The following KCNG3 variants were observed in gnomAD, a reference collection of about 807,000 sequenced individuals.
The protein encoded by KCNG3 is potassium voltage-gated channel modifier subfamily G member 3.
Under a neutral mutation model 29.0 loss-of-function variants are expected in KCNG3, and 15 were observed. The ratio of observed to expected loss-of-function variants is 0.52; its 90% confidence interval spans 0.35 to 0.80. KCNG3 has a LOEUF of 0.80. Ranked by LOEUF, KCNG3 falls within the 30% of genes least tolerant of loss-of-function variation. KCNG3 has a pLI of 0.01. For missense variants in KCNG3, 512 were observed against 605.7 expected (o/e 0.85, Z 1.62); for synonymous variants, 322 against 248.9 (o/e 1.29, Z -2.76).
intron 1 of KCNG3, among the ~76,000 whole-genome samples, chr2:42,477,855 G>C (rs533401067): frequency 8.5e-4 from 128 of 150,412 alleles, no homozygotes; most frequent in African/African-American, 2.9e-3. Flanking sequence ...CTCCAGCCTG[G>C]GTGACAAAGC....
intron 1 of KCNG3, among the ~76,000 whole-genome samples, chr2:42,483,655 T>C (rs574289539): frequency 6.6e-6 from 1 of 152,346 alleles, no homozygotes; most frequent in South Asian, 2.1e-4. Flanking sequence ...TCAATAAATA[T>C]TAACTGTTAC....
chr2:42,439,468 G>A (rs1672430794), downstream of KCNG3, among the ~76,000 whole-genome samples: 1 of 151,462 alleles, frequency 6.6e-6, no homozygotes, highest in Admixed American at 6.6e-5. Flanking sequence ...TCGCTATGTT[G>A]GCCAGGCTGG....
At chr2:42,401,616 A>T in the KCNG3 span, among the ~76,000 whole-genome samples, 1 of 152,046 alleles carries the variant, frequency 6.6e-6, no homozygotes, top group African/African-American at 2.4e-5. Context: ...TAATATTTTT[A>T]AATTTTTTGT....
intron 1 of KCNG3, among the ~76,000 whole-genome samples, chr2:42,474,196 C>G (rs369321371): frequency 6.6e-6 from 1 of 151,760 alleles, no homozygotes; most frequent in Non-Finnish European, 1.5e-5. Flanking sequence ...AACCCTTGCT[C>G]TGGGCGACAG....
At chr2:42,458,523 C>A (rs552670311) in intron 1 of KCNG3, among the ~76,000 whole-genome samples, 1 of 151,876 alleles carries the variant, frequency 6.6e-6, no homozygotes, top group South Asian at 2.1e-4. Flanking sequence ...AATACCTGTC[C>A]TGCTAAGACA....
chr2:42,471,059 A>G (rs1475864690), intron 1 of KCNG3, among the ~76,000 whole-genome samples: 2 of 151,654 alleles, frequency 1.3e-5, no homozygotes, highest in East Asian at 3.9e-4. Context: ...AGCTGAGGGT[A>G]GAGGATCACT....
At chr2:42,467,667 CAAAAAAA>C (rs58517605) in intron 1 of KCNG3, among the ~76,000 whole-genome samples, 1 of 120,496 alleles carries the variant, frequency 8.3e-6, no homozygotes. Flanking sequence ...GACTCTGTTT[CAAAAAAA>C]AAAAAAAAAT....
At chr2:42,449,581 G>A (rs1296756044) in intron 1 of KCNG3, among the ~76,000 whole-genome samples, 4 of 140,256 alleles carry the variant, frequency 2.9e-5, no homozygotes, top group Non-Finnish European at 4.5e-5. Context: ...ACAGTGGTAC[G>A]ATGTTGGCTC....
At chr2:42,402,250 G>C in the KCNG3 span, among the ~76,000 whole-genome samples, 624 of 152,336 alleles carry the variant, frequency 4.1e-3, 5 homozygotes, top group African/African-American at 0.015. Flanking sequence ...TGGGTTTCTA[G>C]GTTCTCCAGT....
chr2:42,447,519 C>CT (rs35956741), intron 1 of KCNG3, among the ~76,000 whole-genome samples: 1,820 of 144,440 alleles, frequency 0.013, 19 homozygotes, highest in Non-Finnish European at 0.021. Flanking sequence ...AATGAATATT[C>CT]TTTTTTTTTT....
Position 42,493,214 on chromosome 2 carries a change from G to C in KCNG3, c.288C>G (p.Asn96Lys). Residue 96 changes from asparagine (N) to lysine (K), a missense_variant, in exon 1 of 2, where the codon AAC becomes AAG. By Grantham distance (94) the Asn-to-Lys change is moderately conservative. Coordinates refer to ENST00000306078, the MANE Select transcript of KCNG3 (RefSeq NM_133329.6). ...APRMCELSFY[N>K]EMIYWGLEGA... The stretch of plus-strand genomic sequence containing the variant: ...CCTCCAGGCCCCAGTAGATCATCTC[G>C]TTGTAGAAGGAGAGCTCGCACATCC... The C allele has an allele frequency of 1.2e-6, 2 of 1,611,350 alleles. No individual in the cohort carries two copies. Among genetic ancestry groups the C allele is most frequent in the Non-Finnish European group, 1.7e-6 (2 of 1,179,896 alleles).
chr2:42,486,648 C>T (rs1005236702), intron 1 of KCNG3, among the ~76,000 whole-genome samples: 1 of 152,222 alleles, frequency 6.6e-6, no homozygotes, highest in Admixed American at 6.5e-5. Flanking sequence ...GGCATCTTTG[C>T]ATTAGCTGCT....
At chr2:42,487,529 T>C (rs1474276879) in intron 1 of KCNG3, among the ~76,000 whole-genome samples, 1 of 152,076 alleles carries the variant, frequency 6.6e-6, no homozygotes, top group African/African-American at 2.4e-5. Flanking sequence ...CTCCTCAATA[T>C]ATGTAAAGAT....
At chr2:42,469,416 CAAA>C (rs57425538) in intron 1 of KCNG3, among the ~76,000 whole-genome samples, 4 of 74,394 alleles carry the variant, frequency 5.4e-5, no homozygotes, top group Admixed American at 3.3e-4. Flanking sequence ...GACTCTGTCT[CAAA>C]AAAAAAAAAA....
chr2:42,463,983 G>T, intron 1 of KCNG3: 3 of 305,638 alleles, frequency 9.8e-6, no homozygotes, highest in South Asian at 8.8e-5. Flanking sequence ...CAGCGTACGT[G>T]GGAGGCTTAA....
chr2:42,493,331 C>T lies in KCNG3; in HGVS notation c.171G>A (p.Glu57=). 1 of 1,604,804 alleles carries T rather than the reference C, an allele frequency of 6.2e-7. No individual in the cohort carries two copies. The highest frequency in any genetic ancestry group is 8.5e-7 in the Non-Finnish European group (1 of 1,175,884). ...VLEVCDDYDR[E]RNEYFFDRHS... The stretch of plus-strand genomic sequence containing the variant: ...GCCGGTCGAAGAAGTACTCGTTGCG[C>T]TCGCGGTCGTAGTCGTCGCACACCT... The change falls in exon 1 of 2, where the codon GAG becomes GAA. Residue 57 remains glutamate, a synonymous_variant. Coordinates refer to ENST00000306078, the MANE Select transcript of KCNG3 (RefSeq NM_133329.6).
At chr2:42,400,416 T>A in the KCNG3 span, among the ~76,000 whole-genome samples, 1 of 152,142 alleles carries the variant, frequency 6.6e-6, no homozygotes, top group Non-Finnish European at 1.5e-5. Context: ...GACTTTTCTA[T>A]CCCATTTGCC....
At chr2:42,396,773 T>C in the KCNG3 span, among the ~76,000 whole-genome samples, 10 of 152,108 alleles carry the variant, frequency 6.6e-5, no homozygotes, top group African/African-American at 2.2e-4. Context: ...TTTCAGGAAA[T>C]TGCTTTGAAA....
At chr2:42,419,168 C>T in the KCNG3 span, among the ~76,000 whole-genome samples, 4 of 136,584 alleles carry the variant, frequency 2.9e-5, no homozygotes, top group African/African-American at 5.4e-5. Context: ...TGTGGAAATT[C>T]GCATGTGCTG....
Sources: gnomAD v4.1 joint callset for allele counts (sites outside exome capture counted in the v4.1 genomes callset) on GRCh38, gnomAD v4.1.1 for gene constraint, MANE v1.5 for transcripts, NCBI Gene and HGNC (gene_info 2026-07-23, HGNC 2026-07-21) for gene names.